The following WWTR1 variants were observed in gnomAD, a reference collection of about 807,000 sequenced individuals.
The protein encoded by WWTR1 is WW domain containing transcription regulator 1.
A neutral mutation model predicts 40.1 loss-of-function variants in WWTR1; 13 were observed. The ratio of observed to expected loss-of-function variants is 0.32; its 90% CI spans 0.21 to 0.52. WWTR1 has a LOEUF of 0.52. WWTR1 is among the 20% of genes least tolerant of loss of function. The probability of loss-of-function intolerance (pLI) is 0.97; values close to 1 mark genes in which losing one functional copy is unlikely to be tolerated. For missense variants in WWTR1, 436 were observed against 523.1 expected, an observed-to-expected ratio of 0.83 and a Z score of 1.63; for synonymous variants, 230 against 210.1, an observed-to-expected ratio of 1.09 and a Z score of -0.82.
chr3:149,622,491 AAGGAAGGAAGG>A (rs1560089681), intron 2 of WWTR1, among the ~76,000 whole-genome samples: 24 of 135,048 alleles, frequency 1.8e-4, no homozygotes, highest in African/African-American at 5.0e-4. Flanking sequence ...GGAAGGAAGG[AAGGAAGGAAGG>A]AAGAAAGAAA....
intron 2 of WWTR1, among the ~76,000 whole-genome samples, chr3:149,597,722 C>G (rs1189911656): frequency 6.6e-6 from 1 of 152,118 alleles, no homozygotes; most frequent in Non-Finnish European, 1.5e-5. Flanking sequence ...AAAATATAAA[C>G]TAGTAAATGA....
At chr3:149,629,737 A>C (rs1372127556) in intron 2 of WWTR1, among the ~76,000 whole-genome samples, 6 of 152,226 alleles carry the variant, frequency 3.9e-5, no homozygotes, top group Admixed American at 3.3e-4. Flanking sequence ...AAAGGAATAA[A>C]ACAAAACAAA....
chr3:149,638,582 G>A (rs1446259955), intron 2 of WWTR1, among the ~76,000 whole-genome samples: 4 of 151,736 alleles, frequency 2.6e-5, no homozygotes, highest in South Asian at 2.1e-4. Flanking sequence ...TCTCTGACTC[G>A]CTTGGCCTGT....
At chr3:149,540,079 T>TCCACACACACAC (rs878910984) in intron 4 of WWTR1, 1 of 262,670 alleles carries the variant, frequency 3.8e-6, no homozygotes. Context: ...TCCTCCTAAC[T>TCCACACACACAC]ACACACACAC....
chr3:149,520,799 T>C lies in WWTR1; in HGVS notation c.*6A>G, dbSNP rs1735004488. ...CATGGCTACATCCAAGTTACAATGG[T>C]AGTGATTACAGCCAGGTTAGAAAGG... is the stretch of plus-strand genomic sequence containing the variant. On this transcript the variant is annotated 3_prime_UTR_variant, in exon 7 of 7. Coordinates refer to ENST00000360632, the MANE Select transcript of WWTR1 (RefSeq NM_015472.6). 1 of 1,567,798 alleles carries C rather than the reference T, an allele frequency of 6.4e-7. No individual in the cohort carries two copies. The highest frequency in any genetic ancestry group is 8.6e-7 in the Non-Finnish European group (1 of 1,160,844).
upstream of WWTR1, among the ~76,000 whole-genome samples, chr3:149,662,622 A>G (rs1713634970): frequency 1.3e-5 from 2 of 152,142 alleles, no homozygotes; most frequent in Non-Finnish European, 2.9e-5. Flanking sequence ...GTGGTCTCCT[A>G]ACTGGTTTCT....
At chr3:149,547,811 T>C (rs1428334021) in intron 3 of WWTR1, among the ~76,000 whole-genome samples, 1 of 151,044 alleles carries the variant, frequency 6.6e-6, no homozygotes, top group Admixed American at 6.7e-5. Flanking sequence ...TGTTTTCATC[T>C]CCTTTTCCCT....
At chr3:149,689,479 T>C (rs886260712) in intron 1 of WWTR1, among the ~76,000 whole-genome samples, 1 of 136,744 alleles carries the variant, frequency 7.3e-6, no homozygotes, top group Non-Finnish European at 1.6e-5. Flanking sequence ...CTCCCAGAGG[T>C]CAAGGATAAA....
intron 2 of WWTR1, among the ~76,000 whole-genome samples, chr3:149,601,446 C>T (rs1331652020): frequency 6.6e-6 from 1 of 152,202 alleles, no homozygotes; most frequent in Non-Finnish European, 1.5e-5. Context: ...GATCCACCTG[C>T]CTCAGCCTCC....
intron 3 of WWTR1, among the ~76,000 whole-genome samples, chr3:149,571,503 G>A (rs987815745): frequency 2.6e-5 from 4 of 152,072 alleles, no homozygotes; most frequent in Admixed American, 2.6e-4. Flanking sequence ...CATTTTCTTT[G>A]ATCTGCCCTT....
chr3:149,615,378 C>T (rs1021697965), intron 2 of WWTR1, among the ~76,000 whole-genome samples: 2 of 152,154 alleles, frequency 1.3e-5, no homozygotes, highest in Non-Finnish European at 2.9e-5. Context: ...ATTTAGGTAG[C>T]AGTTAACCAT....
chr3:149,708,818 G>T (rs949147306), intron 5 of WWTR1, among the ~76,000 whole-genome samples: 8 of 151,966 alleles, frequency 5.3e-5, no homozygotes, highest in South Asian at 2.1e-4. Flanking sequence ...AATTCTTTTG[G>T]AAATATACCC....
chr3:149,690,246 G>A (rs958807911), intron 1 of WWTR1, among the ~76,000 whole-genome samples: 1 of 151,976 alleles, frequency 6.6e-6, no homozygotes, highest in African/African-American at 2.4e-5. Flanking sequence ...ACAACAAACT[G>A]GCAGGAGTAA....
chr3:149,605,533 A>C (rs1739445971), intron 2 of WWTR1, among the ~76,000 whole-genome samples: 1 of 152,176 alleles, frequency 6.6e-6, no homozygotes, highest in Admixed American at 6.5e-5. Flanking sequence ...AGAAGGAGCA[A>C]GTTCGAGAGT....
intron 2 of WWTR1, among the ~76,000 whole-genome samples, chr3:149,597,927 T>C (rs1739073944): frequency 6.6e-6 from 1 of 152,246 alleles, no homozygotes; most frequent in Non-Finnish European, 1.5e-5. Flanking sequence ...GATTATTTTT[T>C]AAAAGAAATA....
At chr3:149,561,599 T>C (rs1309125096) in intron 3 of WWTR1, among the ~76,000 whole-genome samples, 3 of 152,204 alleles carry the variant, frequency 2.0e-5, no homozygotes, top group Admixed American at 1.3e-4. Flanking sequence ...GGCTGCACAC[T>C]GTGGCATTGT....
rs534062650 is a variant in WWTR1 at position 149,575,857 on chromosome 3, C to T, written c.432-2857G>A. 3.9e-5 allele frequency among the ~76,000 whole-genome samples: 6 copies of T among 152,248 alleles called. No individual in the cohort carries two copies. In the East Asian group the frequency reaches 9.7e-4, roughly 25 times the overall value. ...AAATCCCCTGGGACAGAGTGTGGGG[C>T]CTTCTGGGTGGACCTCATCCTGACA... On this transcript the variant is annotated intron_variant, in intron 2 of 6. Transcript: ENST00000360632.
chr3:149,645,714 C>G (rs1039440030), intron 2 of WWTR1, among the ~76,000 whole-genome samples: 1 of 152,170 alleles, frequency 6.6e-6, no homozygotes, highest in African/African-American at 2.4e-5. Context: ...AAAACCTAGG[C>G]TAAGAAGTGC....
chr3:149,604,595 A>G (rs1018955186), intron 2 of WWTR1, among the ~76,000 whole-genome samples: 1 of 152,208 alleles, frequency 6.6e-6, no homozygotes, highest in South Asian at 2.1e-4. Context: ...GGGCTGCCTT[A>G]ATCCCTAGTC....
Sources: allele counts gnomAD v4.1 joint callset (sites outside exome capture counted in the v4.1 genomes callset), GRCh38; gene constraint gnomAD v4.1.1; transcripts MANE v1.5; gene names NCBI Gene and HGNC (gene_info 2026-07-23, HGNC 2026-07-21).